Variants in RBFOX1 observed in about 807,000 individuals in gnomAD.
RBFOX1 encodes RNA binding protein fox-1 homolog 1.
In RBFOX1, 8 loss-of-function variants were observed where a neutral mutation model predicts 57.7. The ratio of observed to expected loss-of-function variants is 0.14; its 90% CI spans 0.08 to 0.25. The LOEUF is 0.25. Among genes scored for constraint, RBFOX1 ranks in the 10% least tolerant of loss-of-function variants. The probability of loss-of-function intolerance (pLI) is 1.00; values close to 1 mark genes in which losing one functional copy is unlikely to be tolerated. For synonymous variants in RBFOX1, 326 were observed against 222.4 expected (o/e 1.47, Z -4.15); for missense variants, 611 against 548.5 (o/e 1.11, Z -1.14).
intron 4 of RBFOX1, among the ~76,000 whole-genome samples, chr16:5,935,729 T>C (rs2059154752): frequency 6.6e-6 from 1 of 152,170 alleles, no homozygotes; most frequent in Non-Finnish European, 1.5e-5. Flanking sequence ...ATAAATGACA[T>C]GGATCAAAGA....
intron 3 of RBFOX1, among the ~76,000 whole-genome samples, chr16:5,820,978 G>A (rs1400519944): frequency 1.3e-5 from 2 of 152,088 alleles, no homozygotes; most frequent in Non-Finnish European, 2.9e-5. Context: ...ACCTCCTCTG[G>A]GAGGGCAGGA....
intron 4 of RBFOX1, among the ~76,000 whole-genome samples, chr16:5,943,393 C>G (rs548231000): frequency 6.6e-6 from 1 of 152,166 alleles, no homozygotes; most frequent in African/African-American, 2.4e-5. Context: ...TCCCTGGGTC[C>G]ACATACCCAG....
intron 1 of RBFOX1, among the ~76,000 whole-genome samples, chr16:5,313,748 G>C (rs935793483): frequency 3.9e-5 from 6 of 152,208 alleles, no homozygotes; most frequent in African/African-American, 1.4e-4. Flanking sequence ...AGAACAGCAT[G>C]AGAAAGACTG....
At chr16:6,495,470 C>T (rs563204562) in intron 2 of RBFOX1, among the ~76,000 whole-genome samples, 3 of 150,980 alleles carry the variant, frequency 2.0e-5, no homozygotes, top group Non-Finnish European at 4.4e-5. Context: ...TTTCGTAGAT[C>T]GGTTGGTCAT....
At chr16:6,765,077 A>C (rs957759387) in intron 3 of RBFOX1, among the ~76,000 whole-genome samples, 1 of 152,194 alleles carries the variant, frequency 6.6e-6, no homozygotes, top group African/African-American at 2.4e-5. Flanking sequence ...AAAGTCCTAA[A>C]GAATGCGAGG....
chr16:7,187,472 G>T (rs1229546218), intron 4 of RBFOX1, among the ~76,000 whole-genome samples: 1 of 151,026 alleles, frequency 6.6e-6, no homozygotes. Context: ...GGCTAATCAC[G>T]AGATCAGGAG....
At chr16:7,385,717 G>A (rs1316146189) in intron 4 of RBFOX1, among the ~76,000 whole-genome samples, 2 of 152,070 alleles carry the variant, frequency 1.3e-5, no homozygotes, top group Non-Finnish European at 2.9e-5. Context: ...GTTTGTCATG[G>A]TGGTTATTAT....
chr16:5,829,139 G>A (rs2056177556), intron 3 of RBFOX1, among the ~76,000 whole-genome samples: 1 of 152,182 alleles, frequency 6.6e-6, no homozygotes. Context: ...AGGAATGTGT[G>A]CCAGGAGGAA....
intron 3 of RBFOX1, among the ~76,000 whole-genome samples, chr16:6,747,476 T>TATC (rs1414362121): frequency 5.8e-5 from 8 of 137,034 alleles, no homozygotes; most frequent in Admixed American, 1.5e-4. Context: ...GTCTGTCTGT[T>TATC]TATCTATCTG....
At chr16:6,453,773 G>A (rs767527748) in intron 2 of RBFOX1, among the ~76,000 whole-genome samples, 36 of 152,174 alleles carry the variant, frequency 2.4e-4, no homozygotes, top group Non-Finnish European at 7.4e-5. Context: ...AAATTTAAAT[G>A]TAAAAATTCA....
intron 4 of RBFOX1, among the ~76,000 whole-genome samples, chr16:7,416,498 G>A (rs2149247085): frequency 6.6e-6 from 1 of 152,298 alleles, no homozygotes; most frequent in South Asian, 2.1e-4. Flanking sequence ...TGGTGTGCTG[G>A]GAGGGGGGCC....
intron 4 of RBFOX1, among the ~76,000 whole-genome samples, chr16:7,405,443 G>T (rs1000084660): frequency 6.6e-6 from 1 of 152,196 alleles, no homozygotes; most frequent in Non-Finnish European, 1.5e-5. Context: ...TGAGCTCCGG[G>T]CGAAGTGTGT....
intron 3 of RBFOX1, among the ~76,000 whole-genome samples, chr16:5,611,614 T>C (rs2047788942): frequency 6.6e-6 from 1 of 152,046 alleles, no homozygotes; most frequent in Admixed American, 6.6e-5. Context: ...AACTAGTGAT[T>C]CACCTATCCA....
intron 3 of RBFOX1, among the ~76,000 whole-genome samples, chr16:5,792,652 G>T (rs2054740338): frequency 6.6e-6 from 1 of 152,114 alleles, no homozygotes; most frequent in Admixed American, 6.5e-5. Context: ...AGACCAGCCT[G>T]GCCAACGTGC....
intron 4 of RBFOX1, among the ~76,000 whole-genome samples, chr16:5,881,872 C>T (rs944929648): frequency 2.0e-5 from 3 of 152,144 alleles, no homozygotes; most frequent in Admixed American, 6.5e-5. Context: ...ACCAGGCACT[C>T]TTCTAAGCAC....
chr16:7,711,059 A>G lies in RBFOX1; in HGVS notation c.*314A>G, dbSNP rs1236096300. ...AGGGCCATATCCAGAGTGCTATATT[A>G]TGTAAATGAATTATATATGCTGAAT... On this transcript the variant is annotated 3_prime_UTR_variant, in exon 16 of 16. Coordinates refer to ENST00000550418, the MANE Select transcript of RBFOX1 (RefSeq NM_018723.4). 9.2e-6 allele frequency: 2 copies of G among 218,222 alleles called. No individual in the cohort carries two copies. The highest frequency in any genetic ancestry group is 4.5e-5 in the African/African-American group (2 of 44,180). The allele number at this position is 218,222 out of a possible 1,614,324, so 13.5% of individuals were successfully genotyped here.
intron 1 of RBFOX1, among the ~76,000 whole-genome samples, chr16:5,322,552 A>C (rs879605669): frequency 6.6e-6 from 1 of 152,114 alleles, no homozygotes. Flanking sequence ...TAGGTCTCCA[A>C]ATCAGATTGA....
At position 7,153,593 on chromosome 16, in the gene RBFOX1, G is replaced by A. The variant is rs115973141; in HGVS notation, c.27+101495G>A. 7.5e-3 allele frequency among the ~76,000 whole-genome samples: 1,130 copies of A among 151,650 alleles called. 18 individuals are homozygous for A. Among genetic ancestry groups the A allele is most frequent in the African/African-American group, 0.026 (1,062 of 41,318 alleles). ...TACTGAAAAAACAAAAATTAGCCAG[G>A]CATGGTGATGGTGGTGGGGGGAGGG... is the stretch of plus-strand genomic sequence containing the variant. On this transcript the variant is annotated intron_variant, in intron 4 of 15. Transcript: ENST00000550418.
At chr16:6,212,783 G>C (rs978084134) in intron 1 of RBFOX1, among the ~76,000 whole-genome samples, 7 of 151,982 alleles carry the variant, frequency 4.6e-5, no homozygotes, top group Non-Finnish European at 8.8e-5. Context: ...TATAATTGAA[G>C]ATTTCCATAG....
Sources: gnomAD v4.1 joint callset for allele counts (sites outside exome capture counted in the v4.1 genomes callset) on GRCh38, gnomAD v4.1.1 for gene constraint, MANE v1.5 for transcripts, NCBI Gene and HGNC (gene_info 2026-07-23, HGNC 2026-07-21) for gene names.